Variants in CRACD observed in about 807,000 individuals in gnomAD.
CRACD encodes capping protein-inhibiting regulator of actin dynamics.
Under a neutral mutation model 106.8 loss-of-function variants are expected in CRACD, and 56 were observed. That is an observed-to-expected ratio of 0.52 (90% CI 0.42 to 0.66). The LOEUF is 0.66. Ranked by LOEUF, CRACD falls within the 30% of genes least tolerant of loss-of-function variation. The probability of loss-of-function intolerance (pLI) is 0.00; values close to 1 mark genes in which losing one functional copy is unlikely to be tolerated. For synonymous variants in CRACD, 754 were observed against 670.8 expected (o/e 1.12, Z -1.92); for missense variants, 1,730 against 1,623.2 (o/e 1.07, Z -1.13).
chr4:56,148,825 C>T (rs1300417148), intron 1 of CRACD, among the ~76,000 whole-genome samples: 6 of 146,768 alleles, frequency 4.1e-5, no homozygotes, highest in South Asian at 2.1e-4. Context: ...TTTTTTTTTC[C>T]GGGGCAGGGT....
chr4:56,291,849 C>G (rs1292109378), intron 3 of CRACD, among the ~76,000 whole-genome samples: 1 of 152,084 alleles, frequency 6.6e-6, no homozygotes, highest in Non-Finnish European at 1.5e-5. Context: ...TGCAGTAACA[C>G]AAAAATGACC....
In CRACD at chr4:56,315,102, C is replaced by T. The variant is rs753724200; in HGVS notation, c.1600C>T (p.Pro534Ser). The T allele has an allele frequency of 2.5e-6, 4 of 1,611,150 alleles. No homozygotes were observed. Among genetic ancestry groups the T allele is most frequent in the African/African-American group, 2.7e-5 (2 of 74,968 alleles). ...GGAGGTGGACGAGAGACAGACCATG[C>T]CCCGGCCCTACACGTTCCAGGTGTC... ...WQEVDERQTMPRPYTFQVSSG... is the reference protein window; with the variant it reads ...WQEVDERQTMSRPYTFQVSSG... Residue 534 changes from proline to serine, a missense_variant, in exon 8 of 11, where the codon CCC becomes TCC. By Grantham distance (74) the Pro-to-Ser change is moderately conservative. This residue lies in a region of CRACD where 1,620 missense variants were observed against 1,481.6 expected (regional missense o/e 1.09). Transcript: ENST00000682029. The surrounding 1 kb of genome is among the most constrained non-coding windows in gnomAD (Gnocchi z 4.1).
intron 1 of CRACD, among the ~76,000 whole-genome samples, chr4:56,076,052 A>G (rs1294306819): frequency 1.3e-5 from 2 of 152,210 alleles, no homozygotes; most frequent in African/African-American, 4.8e-5. Flanking sequence ...CCTAACCCCA[A>G]GTACCTCAGA....
chr4:56,171,914 A>G (rs1736383451), intron 1 of CRACD, among the ~76,000 whole-genome samples: 1 of 151,848 alleles, frequency 6.6e-6, no homozygotes, highest in South Asian at 2.1e-4. Context: ...TTGAACCTGC[A>G]TGTTCCCAGA....
chr4:56,131,261 C>G (rs1734815395), intron 1 of CRACD, among the ~76,000 whole-genome samples: 1 of 152,180 alleles, frequency 6.6e-6, no homozygotes. Flanking sequence ...GTTTCCTCAT[C>G]TCGATTAAGT....
intron 2 of CRACD, among the ~76,000 whole-genome samples, chr4:56,182,031 G>C (rs996540291): frequency 6.6e-5 from 10 of 152,088 alleles, no homozygotes; most frequent in Non-Finnish European, 1.3e-4. Context: ...CTTACAAGTA[G>C]AGAAACAGGC....
At chr4:56,194,187 G>A (rs955144647) in intron 2 of CRACD, among the ~76,000 whole-genome samples, 2 of 152,164 alleles carry the variant, frequency 1.3e-5, no homozygotes, top group Non-Finnish European at 2.9e-5. Context: ...AAGAAAATGT[G>A]TAACTGATTT....
At chr4:56,274,775 T>C (rs565420080) in intron 3 of CRACD, among the ~76,000 whole-genome samples, 8 of 152,328 alleles carry the variant, frequency 5.3e-5, no homozygotes, top group Non-Finnish European at 2.9e-5. Flanking sequence ...TTTAAAAAAT[T>C]AGTGGGTATA....
intron 1 of CRACD, among the ~76,000 whole-genome samples, chr4:56,066,144 C>G (rs1732459531): frequency 6.6e-6 from 1 of 152,212 alleles, no homozygotes; most frequent in Admixed American, 6.5e-5. Context: ...AACAGTGCTT[C>G]AGTCAGCTAG....
intron 2 of CRACD, among the ~76,000 whole-genome samples, chr4:56,191,495 C>G: frequency 6.6e-6 from 1 of 152,134 alleles, no homozygotes; most frequent in East Asian, 1.9e-4. Context: ...TTCTGCCTCC[C>G]TCTTATAAAG....
At chr4:56,050,192 A>G (rs923617516) in intron 1 of CRACD, among the ~76,000 whole-genome samples, 4 of 151,978 alleles carry the variant, frequency 2.6e-5, no homozygotes, top group Non-Finnish European at 5.9e-5. Context: ...AAGAAAACCT[A>G]GTAAGTACGA....
intron 1 of CRACD, among the ~76,000 whole-genome samples, chr4:56,125,708 C>T (rs943128551): frequency 2.0e-5 from 3 of 151,024 alleles, no homozygotes; most frequent in African/African-American, 4.9e-5. Flanking sequence ...TGAGCCACTG[C>T]GCCTGACTGG....
In CRACD at chr4:56,070,847, CTGTGTGTGTGTG is replaced by C. The variant is rs60372588; in HGVS notation, c.-336+21580_-336+21591del. 1.5e-4 allele frequency among the ~76,000 whole-genome samples: 18 copies of C among 120,432 alleles called. No homozygotes were observed. In the South Asian group the frequency reaches 1.6e-3, roughly 11 times the overall value. 79.0% of individuals were successfully genotyped at this position (120,432 alleles called of 152,430 possible). A position where few individuals can be genotyped will look rare whatever the true frequency, so the allele number is the denominator to read the frequency against. On this transcript the variant is annotated intron_variant, in intron 1 of 10. Coordinates refer to ENST00000682029, the MANE Select transcript of CRACD (RefSeq NM_001393381.1). ...TACTGCAGGAATGCCAGGGGCTATG[CTGTGTGTGTGTG>C]TGTGTGTGTGTGTGTGTGTGTGTGT... is the stretch of plus-strand genomic sequence containing the variant.
At chr4:56,203,149 T>A (rs1737961577) in intron 2 of CRACD, among the ~76,000 whole-genome samples, 1 of 152,150 alleles carries the variant, frequency 6.6e-6, no homozygotes, top group Non-Finnish European at 1.5e-5. Context: ...AACTTCACAT[T>A]ATTAAAGAAG....
intron 1 of CRACD, among the ~76,000 whole-genome samples, chr4:56,102,123 G>C (rs1391985734): frequency 6.6e-6 from 1 of 152,110 alleles, no homozygotes; most frequent in African/African-American, 2.4e-5. Flanking sequence ...AAGTTGGAGC[G>C]TGTACATTTT....
intron 2 of CRACD, among the ~76,000 whole-genome samples, chr4:56,230,013 C>A (rs1739523594): frequency 6.6e-6 from 1 of 152,204 alleles, no homozygotes; most frequent in Non-Finnish European, 1.5e-5. Context: ...ATGTTTGCCC[C>A]TGCACTATGG....
chr4:56,253,586 T>C (rs1004177433), intron 2 of CRACD, among the ~76,000 whole-genome samples: 1 of 152,350 alleles, frequency 6.6e-6, no homozygotes, highest in African/African-American at 2.4e-5. Flanking sequence ...ATGTCATCGT[T>C]TGAGCCACTG....
At chr4:56,260,578 G>T (rs536114497) in intron 2 of CRACD, among the ~76,000 whole-genome samples, 42 of 152,282 alleles carry the variant, frequency 2.8e-4, no homozygotes, top group African/African-American at 9.9e-4. Context: ...TCTTGTGAAT[G>T]TATTTTATAG....
At chr4:56,282,341 C>T (rs143138356) in intron 3 of CRACD, among the ~76,000 whole-genome samples, 2 of 152,312 alleles carry the variant, frequency 1.3e-5, no homozygotes, top group African/African-American at 4.8e-5. Context: ...GGCATGCATT[C>T]ACTGTGCAGC....
Sources: gnomAD v4.1 joint callset for allele counts (sites outside exome capture counted in the v4.1 genomes callset) on GRCh38, gnomAD v4.1.1 for gene constraint, gnomAD v4.1.1 regional missense constraint, Gnocchi (gnomAD v3.1) non-coding constraint, MANE v1.5 for transcripts, NCBI Gene and HGNC (gene_info 2026-07-23, HGNC 2026-07-21) for gene names.